The following KCNS3 variants were observed in gnomAD, a reference collection of about 807,000 sequenced individuals.
The protein encoded by KCNS3 is potassium voltage-gated channel modifier subfamily S member 3.
KCNS3 carries 13 observed loss-of-function variants against 31.0 expected under a neutral mutation model. The observed-to-expected ratio is 0.42, with a 90% confidence interval of 0.27 to 0.67. The LOEUF (loss-of-function observed/expected upper bound fraction) is 0.67, where lower values mean the gene tolerates loss of function less well. Among genes scored for constraint, KCNS3 ranks in the 30% least tolerant of loss-of-function variants. The pLI, the probability that KCNS3 is intolerant of heterozygous loss-of-function variation, is 0.25. For synonymous variants in KCNS3, 238 were observed against 241.5 expected, an observed-to-expected ratio of 0.99 and a Z score of 0.13; for missense variants, 545 against 622.4, an observed-to-expected ratio of 0.88 and a Z score of 1.32.
At chr2:17,908,063 T>G (rs1407369432) in intron 1 of KCNS3, among the ~76,000 whole-genome samples, 1 of 152,210 alleles carries the variant, frequency 6.6e-6, no homozygotes, top group Non-Finnish European at 1.5e-5. Context: ...GTTTTCGAAC[T>G]TGGTTCCATT....
chr2:17,891,288 T>G lies in KCNS3; in HGVS notation c.-252+12482T>G, dbSNP rs538092102. On this transcript the variant is annotated intron_variant, in intron 1 of 2. Transcript: ENST00000304101. ...CTTTTTCCACCCCTTTACTTTAAGT[T>G]TCTGTGATTCCTTATGTGTTAGGTG... Among the ~76,000 whole-genome samples, 26 of 152,328 alleles carry G rather than the reference T, an allele frequency of 1.7e-4. No individual in the cohort carries two copies. The East Asian group carries it at 4.0e-3, about 24-fold the overall frequency.
At chr2:17,927,007 A>G (rs1166058123) in intron 2 of KCNS3, among the ~76,000 whole-genome samples, 1 of 152,234 alleles carries the variant, frequency 6.6e-6, no homozygotes, top group Non-Finnish European at 1.5e-5. Flanking sequence ...TCTTTTGTGA[A>G]TGCATAAAAC....
At chr2:17,893,281 G>GC (rs1318002986) in intron 1 of KCNS3, among the ~76,000 whole-genome samples, 1 of 152,194 alleles carries the variant, frequency 6.6e-6, no homozygotes, top group East Asian at 1.9e-4. Context: ...CCCTCCTACA[G>GC]CCTGGAGTCT....
chr2:17,887,981 A>G (rs563265290), intron 1 of KCNS3, among the ~76,000 whole-genome samples: 1 of 151,968 alleles, frequency 6.6e-6, no homozygotes, highest in Admixed American at 6.6e-5. Flanking sequence ...TCTTTTGAGA[A>G]TTGTCTATTT....
intron 1 of KCNS3, among the ~76,000 whole-genome samples, chr2:17,894,763 G>A (rs756872365): frequency 2.0e-5 from 3 of 152,218 alleles, no homozygotes; most frequent in Non-Finnish European, 4.4e-5. Context: ...ATCTCCTGAG[G>A]CTTGGCCCTG....
upstream of KCNS3, among the ~76,000 whole-genome samples, chr2:17,878,504 C>T (rs1408138586): frequency 6.6e-6 from 1 of 151,454 alleles, no homozygotes; most frequent in Non-Finnish European, 1.5e-5. Context: ...CAGCCGCCCG[C>T]GCCCTCGGCC....
chr2:17,891,146 G>A (rs548775291), intron 1 of KCNS3, among the ~76,000 whole-genome samples: 5 of 152,198 alleles, frequency 3.3e-5, no homozygotes, highest in Admixed American at 3.3e-4. Context: ...TTTTCCTGTG[G>A]GGCAAGGCCT....
At chr2:17,886,873 A>C (rs534732159) in intron 1 of KCNS3, among the ~76,000 whole-genome samples, 2 of 152,258 alleles carry the variant, frequency 1.3e-5, no homozygotes, top group East Asian at 3.9e-4. Context: ...ATTCCTACAA[A>C]GTAGGCTCTT....
chr2:17,896,643 C>T (rs967468159), intron 1 of KCNS3, among the ~76,000 whole-genome samples: 7 of 151,910 alleles, frequency 4.6e-5, no homozygotes, highest in Admixed American at 3.9e-4. Flanking sequence ...GGTAATTATA[C>T]TGCACTGTTG....
At chr2:17,899,819 C>T (rs1662126165) in intron 1 of KCNS3, among the ~76,000 whole-genome samples, 2 of 152,122 alleles carry the variant, frequency 1.3e-5, no homozygotes, top group Non-Finnish European at 2.9e-5. Flanking sequence ...TCTATTTATC[C>T]CAGTGCTTTG....
intron 1 of KCNS3, among the ~76,000 whole-genome samples, chr2:17,903,506 T>C (rs1466245490): frequency 6.6e-6 from 1 of 152,182 alleles, no homozygotes; most frequent in Non-Finnish European, 1.5e-5. Context: ...GTGCACAGTG[T>C]GCAGGTTTGT....
At chr2:17,888,383 T>G (rs1284873300) in intron 1 of KCNS3, among the ~76,000 whole-genome samples, 2 of 151,886 alleles carry the variant, frequency 1.3e-5, no homozygotes, top group African/African-American at 4.8e-5. Flanking sequence ...CTTGTTGATT[T>G]TCGTATAAGA....
chr2:17,916,531 A>G (rs1014350434), intron 1 of KCNS3, among the ~76,000 whole-genome samples: 1 of 152,178 alleles, frequency 6.6e-6, no homozygotes, highest in Non-Finnish European at 1.5e-5. Flanking sequence ...ATCTTTCTTC[A>G]GTATAATCTC....
chr2:17,906,847 C>T (rs1052794598), intron 1 of KCNS3, among the ~76,000 whole-genome samples: 8 of 152,026 alleles, frequency 5.3e-5, no homozygotes, highest in Non-Finnish European at 5.9e-5. Flanking sequence ...TTTCTGTTCT[C>T]TTACATTTGC....
intron 1 of KCNS3, among the ~76,000 whole-genome samples, chr2:17,894,431 A>G (rs1449033732): frequency 6.6e-6 from 1 of 152,228 alleles, no homozygotes; most frequent in African/African-American, 2.4e-5. Flanking sequence ...GACAAACCAC[A>G]AAAGAGCATA....
chr2:17,915,051 C>T (rs745512814), intron 1 of KCNS3, among the ~76,000 whole-genome samples: 1 of 152,188 alleles, frequency 6.6e-6, no homozygotes. Context: ...TTAGTCATTA[C>T]CTTTTCCCTC....
Position 17,918,678 on chromosome 2 carries a change from A to G in KCNS3, c.-60+807A>G, listed in dbSNP as rs115130154. Among the ~76,000 whole-genome samples, 458 of 152,376 alleles carry G rather than the reference A, an allele frequency of 3.0e-3. 4 individuals are homozygous for G. Among genetic ancestry groups the G allele is most frequent in the African/African-American group, 0.011 (449 of 41,598 alleles). On this transcript the variant is annotated intron_variant, in intron 2 of 2. Transcript: ENST00000304101. Reference sequence around the variant, plus strand: ...TGGGCAGCACTTAGCATAAGGGGCTATAGCTGTAAGAGGATAATACATGGT... The same window carrying G: ...TGGGCAGCACTTAGCATAAGGGGCTGTAGCTGTAAGAGGATAATACATGGT...
intron 1 of KCNS3, among the ~76,000 whole-genome samples, chr2:17,898,384 T>C (rs1662082455): frequency 6.6e-6 from 1 of 152,124 alleles, no homozygotes; most frequent in Non-Finnish European, 1.5e-5. Context: ...AATCTATCTG[T>C]AGATTGCTTT....
upstream of KCNS3, among the ~76,000 whole-genome samples, chr2:17,878,415 CG>C (rs1343942614): frequency 6.6e-6 from 1 of 151,816 alleles, no homozygotes; most frequent in Non-Finnish European, 1.5e-5. Context: ...TGGGCCTGGG[CG>C]GGGGCGCGCG....
Sources: gnomAD v4.1 joint callset for allele counts (sites outside exome capture counted in the v4.1 genomes callset) on GRCh38, gnomAD v4.1.1 for gene constraint, MANE v1.5 for transcripts, NCBI Gene and HGNC (gene_info 2026-07-23, HGNC 2026-07-21) for gene names.